Variants in STX3 observed in about 807,000 individuals in gnomAD.
STX3 encodes the protein syntaxin 3, also known as syntaxin-3.
A neutral mutation model predicts 40.2 loss-of-function variants in STX3; 19 were observed. The ratio of observed to expected loss-of-function variants is 0.47; its 90% CI spans 0.33 to 0.69. The LOEUF is 0.69. STX3 is among the 30% of genes least tolerant of loss of function. STX3 has a pLI of 0.02. For synonymous variants in STX3, 122 were observed against 132.2 expected, an observed-to-expected ratio of 0.92 and a Z score of 0.53; for missense variants, 364 against 366.7, an observed-to-expected ratio of 0.99 and a Z score of 0.06.
At position 59,755,408 on chromosome 11, in the gene STX3, AG is replaced by A; in HGVS notation, c.-193del. ...GAGCGCGAGGCGCCGGTGGGGGCGG[AG>A]GGGGCTGCGCGGCGGAGGCTCCCGT... On this transcript the variant is annotated 5_prime_UTR_variant, in exon 1 of 11. Transcript: ENST00000337979. 2 of 434,964 alleles carry A rather than the reference AG, an allele frequency of 4.6e-6. No individual in the cohort carries two copies. Among genetic ancestry groups the A allele is most frequent in the Non-Finnish European group, 7.5e-6 (2 of 266,332 alleles). 26.9% of individuals were successfully genotyped at this position (434,964 alleles called of 1,614,324 possible).
At chr11:59,768,125 AAGG>A (rs774730055) in intron 1 of STX3, among the ~76,000 whole-genome samples, 6 of 152,168 alleles carry the variant, frequency 3.9e-5, no homozygotes, top group Non-Finnish European at 7.3e-5. Flanking sequence ...TTTATAGAAG[AAGG>A]AGGCAGGGAA....
At chr11:59,788,010 T>G (rs1310973762) in intron 3 of STX3, among the ~76,000 whole-genome samples, 1 of 152,206 alleles carries the variant, frequency 6.6e-6, no homozygotes, top group Admixed American at 6.5e-5. Context: ...CCTGCCATCC[T>G]CCTCCTGCTT....
At chr11:59,782,039 T>G (rs1864417667) in intron 2 of STX3, among the ~76,000 whole-genome samples, 1 of 152,176 alleles carries the variant, frequency 6.6e-6, no homozygotes, top group Non-Finnish European at 1.5e-5. Flanking sequence ...ACAGAGCTTT[T>G]TTGCTTAGCC....
chr11:59,775,128 G>A (rs1011918931), intron 2 of STX3, among the ~76,000 whole-genome samples: 1 of 152,154 alleles, frequency 6.6e-6, no homozygotes, highest in Non-Finnish European at 1.5e-5. Context: ...GGGGCATGAC[G>A]GTTCGTGCCC....
At chr11:59,795,204 A>G (rs1251905091) in intron 8 of STX3, among the ~76,000 whole-genome samples, 168 bp from the exon 9 acceptor site, 1 of 152,188 alleles carries the variant, frequency 6.6e-6, no homozygotes. Context: ...AGTGACTGCC[A>G]CCCCACCACC....
intron 8 of STX3, 84 bp downstream of exon 8, chr11:59,793,598 A>T (rs1865335868): frequency 6.6e-7 from 1 of 1,515,006 alleles, no homozygotes; most frequent in Non-Finnish European, 8.9e-7. Flanking sequence ...GGAATACTGG[A>T]AGCCAGTGAG....
At chr11:59,770,865 A>G (rs1863580970) in intron 1 of STX3, among the ~76,000 whole-genome samples, 1 of 152,206 alleles carries the variant, frequency 6.6e-6, no homozygotes, top group African/African-American at 2.4e-5. Context: ...ACTCATTGAA[A>G]GAAGACTAGG....
intron 1 of STX3, among the ~76,000 whole-genome samples, chr11:59,763,407 C>T (rs1863135970): frequency 6.6e-6 from 1 of 152,222 alleles, no homozygotes; most frequent in African/African-American, 2.4e-5. Flanking sequence ...CTAGACCCAC[C>T]TCAGGTCTGG....
chr11:59,799,815 A>AT lies in STX3; in HGVS notation c.*31-1030dup, dbSNP rs1038833388. 4.4e-4 allele frequency: 431 copies of AT among 969,908 alleles called. 1 individual carries two copies. Among genetic ancestry groups the AT allele is most frequent in the African/African-American group, 3.4e-3 (191 of 56,456 alleles). 60.1% of individuals were successfully genotyped at this position (969,908 alleles called of 1,614,324 possible). ...CCTCTCATAGACAGGTGGTTGGTTG[A>AT]TTTTTTTTTTCCCCTCTTTTTTCTG... On this transcript the variant is annotated intron_variant, in intron 10 of 10. Coordinates refer to ENST00000337979, the MANE Select transcript of STX3 (RefSeq NM_004177.5).
chr11:59,793,567 C>A lies in STX3; in HGVS notation c.675+53C>A, dbSNP rs1865334301. 4.4e-6 allele frequency: 7 copies of A among 1,575,018 alleles called. No individual in the cohort carries two copies. In the East Asian group the frequency reaches 1.6e-4, roughly 36 times the overall value. ...GAGGGAGGAGAGGAAAGCTCAGGGT[C>A]TACTGAGAACAGGGAGAAAGGGAAT... On this transcript the variant is annotated intron_variant, in intron 8 of 10. Coordinates refer to ENST00000337979, the MANE Select transcript of STX3 (RefSeq NM_004177.5).
intron 1 of STX3, among the ~76,000 whole-genome samples, chr11:59,771,432 C>T (rs1222749871): frequency 1.4e-5 from 2 of 141,884 alleles, no homozygotes; most frequent in Non-Finnish European, 3.0e-5. Context: ...ACAGAATCTC[C>T]AGGAGTTTGT....
At chr11:59,790,461 T>C (rs1170678545) in intron 4 of STX3, 58 bp from the exon 5 acceptor site, 2 of 1,324,250 alleles carry the variant, frequency 1.5e-6, no homozygotes, top group Non-Finnish European at 2.2e-6. Context: ...TTTCACTGAA[T>C]AGCATGTTTC....
intron 2 of STX3, among the ~76,000 whole-genome samples, chr11:59,778,339 G>T (rs1286641352): frequency 6.6e-6 from 1 of 152,176 alleles, no homozygotes; most frequent in Non-Finnish European, 1.5e-5. Context: ...AAACTGCCCA[G>T]ATCCTCCAAT....
intron 2 of STX3, among the ~76,000 whole-genome samples, chr11:59,780,379 C>T (rs968635536): frequency 3.9e-5 from 6 of 152,138 alleles, no homozygotes; most frequent in African/African-American, 1.2e-4. Context: ...AGAGGGTCCT[C>T]CTCAGACATC....
At chr11:59,791,773 A>T (rs1047066375) in intron 5 of STX3, among the ~76,000 whole-genome samples, 4 of 152,170 alleles carry the variant, frequency 2.6e-5, no homozygotes, top group African/African-American at 9.7e-5. Flanking sequence ...GGAATCTGAC[A>T]GTTTTAGAAT....
In STX3 at chr11:59,805,282, A is replaced by G. The variant is rs1295842657; in HGVS notation, c.*4458A>G. On this transcript the variant is annotated 3_prime_UTR_variant, in exon 11 of 11. Coordinates refer to ENST00000337979, the MANE Select transcript of STX3 (RefSeq NM_004177.5). ...TTCAGCTTTAAAACCAGCTATGTGA[A>G]TGTGAGTTCTAGTGCAGATTATTTA... 6.6e-6 allele frequency: 1 copy of G among 152,172 alleles called. No individual in the cohort carries two copies. The highest frequency in any genetic ancestry group is 6.5e-5 in the Admixed American group (1 of 15,284). 9.4% of individuals were successfully genotyped at this position (152,172 alleles called of 1,614,324 possible).
intron 6 of STX3, among the ~76,000 whole-genome samples, chr11:59,792,822 T>C (rs1590820105): frequency 6.6e-6 from 1 of 152,140 alleles, no homozygotes; most frequent in African/African-American, 2.4e-5. Context: ...TAGCATGTTA[T>C]GAGGGCCTTG....
Position 59,793,403 on chromosome 11 carries a change from G to T in STX3, c.564G>T (p.Lys188Asn). Residue 188 changes from lysine to asparagine, a missense_variant, in exon 8 of 11, where the codon AAG becomes AAT. Coordinates refer to ENST00000337979, the MANE Select transcript of STX3 (RefSeq NM_004177.5). The stretch of plus-strand genomic sequence containing the variant: ...AGATCATTGACTCACAGATTTCCAA[G>T]CAAGCCCTCAGTGAGATTGAGGGAC... Reference protein sequence around the residue: ...TSGIIDSQISKQALSEIEGRH... With the variant: ...TSGIIDSQISNQALSEIEGRH... 6.2e-7 allele frequency: 1 copy of T among 1,614,046 alleles called. No individual in the cohort carries two copies. The highest frequency in any genetic ancestry group is 8.5e-7 in the Non-Finnish European group (1 of 1,179,970).
chr11:59,781,327 C>A, intron 2 of STX3: 1 of 1,586,468 alleles, frequency 6.3e-7, no homozygotes, highest in East Asian at 2.2e-5. Context: ...TCTACTTTTT[C>A]ATAGATCCGA....
Sources: gnomAD v4.1 joint callset for allele counts (sites outside exome capture counted in the v4.1 genomes callset) on GRCh38, gnomAD v4.1.1 for gene constraint, MANE v1.5 for transcripts, NCBI Gene and HGNC (gene_info 2026-07-23, HGNC 2026-07-21) for gene names.